TNRC6B: variants seen among roughly 807,000 people sequenced by gnomAD.
The protein encoded by TNRC6B is trinucleotide repeat containing adaptor 6B.
A neutral mutation model predicts 203.6 loss-of-function variants in TNRC6B; 52 were observed. The ratio of observed to expected loss-of-function variants is 0.26; its 90% CI spans 0.20 to 0.32. The LOEUF (loss-of-function observed/expected upper bound fraction) is 0.32. TNRC6B is among the 10% of genes least tolerant of loss of function. TNRC6B has a pLI of 1.00. For missense variants in TNRC6B, 1,923 were observed against 2,286.2 expected (o/e 0.84, Z 3.24); for synonymous variants, 838 against 845.7 (o/e 0.99, Z 0.16).
Position 40,246,024 on chromosome 22 carries a change from G to A in TNRC6B, c.15G>A (p.Glu5=). The part of the protein sequence containing the change: MREK[E]QEREEQLMED... ...GATGTTACTTTAATAGAGAGAAGGA[G>A]CAAGAAAGGGAAGAACAGTTAATGG... Residue 5 remains glutamate, a synonymous_variant, in exon 2 of 23, where the codon GAG becomes GAA. Coordinates refer to ENST00000454349, the MANE Select transcript of TNRC6B (RefSeq NM_001162501.2). The A allele has an allele frequency of 6.5e-7, 1 of 1,543,920 alleles. No individual in the cohort carries two copies.
At chr22:40,164,524 A>T (rs2068900680) in intron 4 of TNRC6B, among the ~76,000 whole-genome samples, 1 of 150,648 alleles carries the variant, frequency 6.6e-6, no homozygotes. Context: ...GCATATTGGG[A>T]GGCCAAGGCG....
At chr22:40,193,976 C>G (rs2069305356) in intron 1 of TNRC6B, among the ~76,000 whole-genome samples, 1 of 151,904 alleles carries the variant, frequency 6.6e-6, no homozygotes, top group African/African-American at 2.4e-5. Flanking sequence ...TTTTTTTTCC[C>G]CAGCAAGGGA....
intron 3 of TNRC6B, among the ~76,000 whole-genome samples, chr22:40,255,703 G>A (rs549420025): frequency 1.0e-3 from 154 of 152,352 alleles, no homozygotes; most frequent in African/African-American, 3.5e-3. Flanking sequence ...ACCTTCCTGA[G>A]TTGACAAATT....
intron 1 of TNRC6B, among the ~76,000 whole-genome samples, chr22:40,189,854 A>C (rs1569014043): frequency 6.6e-6 from 1 of 152,358 alleles, no homozygotes; most frequent in East Asian, 1.9e-4. Flanking sequence ...GAAATTTGCC[A>C]AGTAAAGGCA....
At chr22:40,103,391 G>T (rs1310111253) in intron 1 of TNRC6B, among the ~76,000 whole-genome samples, 1 of 151,918 alleles carries the variant, frequency 6.6e-6, no homozygotes, top group Non-Finnish European at 1.5e-5. Flanking sequence ...CCCACGCCAT[G>T]CCCCAGGCAG....
At chr22:40,199,817 A>G (rs550969203) in intron 1 of TNRC6B, among the ~76,000 whole-genome samples, 63 of 151,510 alleles carry the variant, frequency 4.2e-4, no homozygotes, top group Non-Finnish European at 7.7e-4. Flanking sequence ...CTTTTGAGAC[A>G]GAGTCTGGCT....
At chr22:40,136,371 T>TTGTGTGTGTGTGTGTGTGTGTGTGTG (rs56246561) in intron 3 of TNRC6B, among the ~76,000 whole-genome samples, 5 of 141,118 alleles carry the variant, frequency 3.5e-5, no homozygotes, top group Non-Finnish European at 7.6e-5. Flanking sequence ...TATGTTTATC[T>TTGTGTGTGTGTGTGTGTGTGTGTGTG]TGTGTGTGTG....
rs981086296 is a variant in TNRC6B, at chr22:40,332,597, C to G, written c.*9356C>G. 6.6e-6 allele frequency: 1 copy of G among 152,530 alleles called. No individual in the cohort carries two copies. Among genetic ancestry groups the G allele is most frequent in the Admixed American group, 6.6e-5 (1 of 15,260 alleles). 9.4% of individuals were successfully genotyped at this position (152,530 alleles called of 1,614,324 possible). The stretch of plus-strand genomic sequence containing the variant: ...CGAGTAACAGACTTGATCACAGTCT[C>G]CTCGTGCCTGTGCAGGGCTGCACAG... On this transcript the variant is annotated 3_prime_UTR_variant, in exon 23 of 23. Coordinates refer to ENST00000454349, the MANE Select transcript of TNRC6B (RefSeq NM_001162501.2).
At chr22:40,147,495 C>A (rs940958780) in intron 3 of TNRC6B, among the ~76,000 whole-genome samples, 2 of 152,180 alleles carry the variant, frequency 1.3e-5, no homozygotes, top group African/African-American at 2.4e-5. Flanking sequence ...ATAACAAGAT[C>A]AAGGCACCAG....
At chr22:40,103,878 C>G (rs1003976194) in intron 1 of TNRC6B, among the ~76,000 whole-genome samples, 4 of 151,332 alleles carry the variant, frequency 2.6e-5, no homozygotes, top group African/African-American at 7.3e-5. Context: ...CCTGACCTCA[C>G]GTGATCTGCC....
At position 40,245,630 on chromosome 22, in the gene TNRC6B, A is replaced by G. The variant is rs866888873; in HGVS notation, c.6-385A>G. On this transcript the variant is annotated intron_variant, in intron 1 of 22. Coordinates refer to ENST00000454349, the MANE Select transcript of TNRC6B (RefSeq NM_001162501.2). ...CCATAATTGAGTTAATATATTCTGC[A>G]TTATCTGTGAGGAATACTGCCCAGA... Among the ~76,000 whole-genome samples, 5 of 152,306 alleles carry G rather than the reference A, an allele frequency of 3.3e-5. No homozygotes were observed. The South Asian group carries it at 6.2e-4, about 19-fold the overall frequency.
intron 1 of TNRC6B, among the ~76,000 whole-genome samples, chr22:40,208,433 G>C (rs151007745): frequency 6.6e-6 from 1 of 152,200 alleles, no homozygotes; most frequent in Non-Finnish European, 1.5e-5. Context: ...TATAAATACA[G>C]CGTGGTACTC....
In TNRC6B at chr22:40,308,658, A is replaced by G. The variant is rs887854412; in HGVS notation, c.4258+9A>G. ...CAATATGCACAAAAATGGTAAGAGA[A>G]GCACTGAAAGCTAGAGCCCCCAACC... is the stretch of plus-strand genomic sequence containing the variant. On this transcript the variant is annotated intron_variant, in intron 16 of 22. Transcript: ENST00000454349. 1.2e-6 allele frequency: 2 copies of G among 1,606,724 alleles called. No individual in the cohort carries two copies. Among genetic ancestry groups the G allele is most frequent in the Non-Finnish European group, 1.7e-6 (2 of 1,176,232 alleles).
chr22:40,062,668 T>G (rs544551562), intron 1 of TNRC6B, among the ~76,000 whole-genome samples: 7 of 152,320 alleles, frequency 4.6e-5, no homozygotes, highest in African/African-American at 1.7e-4. Context: ...GCTATCCTAC[T>G]GGGTAGGAAA....
intron 1 of TNRC6B, among the ~76,000 whole-genome samples, chr22:40,217,639 T>G (rs1268457268): frequency 2.0e-5 from 3 of 152,324 alleles, no homozygotes; most frequent in Non-Finnish European, 2.9e-5. Flanking sequence ...CAGCACTGGT[T>G]TAGTCTGTCT....
intron 1 of TNRC6B, among the ~76,000 whole-genome samples, chr22:40,051,747 T>G (rs769633846): frequency 4.6e-5 from 7 of 152,222 alleles, no homozygotes; most frequent in Non-Finnish European, 7.3e-5. Flanking sequence ...GAGCCACATA[T>G]GTATAGATTT....
intron 19 of TNRC6B, among the ~76,000 whole-genome samples, chr22:40,314,419 A>G (rs997830623): frequency 6.6e-6 from 1 of 152,178 alleles, no homozygotes; most frequent in Admixed American, 6.5e-5. Context: ...CTCCATGCTG[A>G]ATCAGTTGCA....
intron 4 of TNRC6B, among the ~76,000 whole-genome samples, chr22:40,160,208 G>A (rs1031136825): frequency 6.6e-6 from 1 of 152,108 alleles, no homozygotes; most frequent in African/African-American, 2.4e-5. Context: ...CAGGCGCGGT[G>A]ACTCACGCCT....
Position 40,058,227 on chromosome 22 carries a change from C to G in TNRC6B, c.-121+13229C>G, listed in dbSNP as rs184936989. Among the ~76,000 whole-genome samples, 6 of 152,206 alleles carry G rather than the reference C, an allele frequency of 3.9e-5. No individual in the cohort carries two copies. The East Asian group carries it at 1.2e-3, about 29-fold the overall frequency. The stretch of plus-strand genomic sequence containing the variant: ...AGAGGGGAAAATACTACTTTTACAA[C>G]ACCAAAAAACAAAAACAAAACATAA... On this transcript the variant is annotated intron_variant, in intron 1 of 23. Coordinates refer to the TNRC6B transcript ENST00000301923.
Sources: allele counts gnomAD v4.1 joint callset (sites outside exome capture counted in the v4.1 genomes callset), GRCh38; gene constraint gnomAD v4.1.1; transcripts MANE v1.5; gene names NCBI Gene and HGNC (gene_info 2026-07-23, HGNC 2026-07-21).